The following PRKCE variants were observed in gnomAD, a reference collection of about 807,000 sequenced individuals.
PRKCE encodes protein kinase C epsilon type.
A neutral mutation model predicts 85.4 loss-of-function variants in PRKCE; 16 were observed. The observed-to-expected ratio is 0.19, with a 90% CI of 0.13 to 0.28. PRKCE has a LOEUF of 0.28. Among genes scored for constraint, PRKCE ranks in the 10% least tolerant of loss-of-function variants. The pLI is 1.00. For missense variants in PRKCE, 573 were observed against 975.2 expected (o/e 0.59, Z 5.49); for synonymous variants, 388 against 371.5 (o/e 1.04, Z -0.51).
chr2:45,702,528 T>A (rs1269138590), intron 1 of PRKCE, among the ~76,000 whole-genome samples: 1 of 152,210 alleles, frequency 6.6e-6, no homozygotes, highest in African/African-American at 2.4e-5. Context: ...TCCTGAGCGG[T>A]GGACTTTATG....
chr2:46,076,131 C>T (rs1415686441), intron 10 of PRKCE, among the ~76,000 whole-genome samples: 1 of 152,144 alleles, frequency 6.6e-6, no homozygotes, highest in East Asian at 1.9e-4. Flanking sequence ...GCTGGGTTCC[C>T]CTTCTAAAAC....
intron 1 of PRKCE, among the ~76,000 whole-genome samples, chr2:45,797,925 C>T (rs745350814): frequency 8.5e-5 from 13 of 152,234 alleles, no homozygotes; most frequent in Non-Finnish European, 1.8e-4. Context: ...ACATTGCCAA[C>T]ATAACAAAAC....
Position 46,004,067 on chromosome 2 carries a change from C to A in PRKCE, c.967-475C>A. ...TTGTCCAGCTTTAGCCTGGTGATAA[C>A]CACCTTGCTGGGGTAGATACCCACG... On this transcript the variant is annotated intron_variant, in intron 7 of 14. Coordinates refer to ENST00000306156, the MANE Select transcript of PRKCE (RefSeq NM_005400.3). This position sits in a 1 kb window ranked among gnomAD's most constrained non-coding sequence, Gnocchi z 4.1. 4.7e-6 allele frequency: 1 copy of A among 212,090 alleles called. No homozygotes were observed. The highest frequency in any genetic ancestry group is 1.2e-4 in the East Asian group (1 of 8,168). The allele number at this position is 212,090 out of a possible 1,614,324, so 13.1% of individuals were successfully genotyped here. A position where few individuals can be genotyped will look rare whatever the true frequency, so the allele number is the denominator to read the frequency against.
intron 2 of PRKCE, among the ~76,000 whole-genome samples, chr2:45,963,078 T>C (rs1317264329): frequency 6.6e-6 from 1 of 152,246 alleles, no homozygotes; most frequent in Non-Finnish European, 1.5e-5. Context: ...TGAAGCTTCC[T>C]AAGGGACGTC....
intron 1 of PRKCE, among the ~76,000 whole-genome samples, chr2:45,842,687 C>T (rs1399880577): frequency 6.6e-6 from 1 of 152,172 alleles, no homozygotes; most frequent in Non-Finnish European, 1.5e-5. Context: ...TATCTCTGGC[C>T]TCCACCCACT....
intron 1 of PRKCE, among the ~76,000 whole-genome samples, chr2:45,662,609 A>G (rs965998996): frequency 2.6e-5 from 4 of 151,626 alleles, no homozygotes; most frequent in African/African-American, 9.7e-5. Context: ...GGCTACGGTT[A>G]ACCTTCGCAC....
intron 1 of PRKCE, among the ~76,000 whole-genome samples, chr2:45,664,536 T>A (rs2103779415): frequency 6.6e-6 from 1 of 152,300 alleles, no homozygotes; most frequent in Admixed American, 6.5e-5. Flanking sequence ...AGTCCTTATG[T>A]CCCTCCCTCT....
chr2:46,001,753 C>T lies in PRKCE; in HGVS notation c.966+207C>T, dbSNP rs533046646. ...TTGAGCTCCAAAAGTGGACTGAAAA[C>T]ACAGCAAGCCTCAAGGGTTACGTTT... On this transcript the variant is annotated intron_variant, in intron 7 of 14. Transcript: ENST00000306156. The surrounding 1 kb of genome is among the most constrained non-coding windows in gnomAD (Gnocchi z 4.4). Among the ~76,000 whole-genome samples the T allele has an allele frequency of 6.6e-6, 1 of 152,262 alleles. No homozygotes were observed. Among genetic ancestry groups the T allele is most frequent in the African/African-American group, 2.4e-5 (1 of 41,554 alleles).
chr2:46,161,800 A>G (rs575397467), intron 14 of PRKCE, among the ~76,000 whole-genome samples: 1 of 152,258 alleles, frequency 6.6e-6, no homozygotes, highest in East Asian at 1.9e-4. Flanking sequence ...AGCAGATTCC[A>G]GAACACTGCC....
intron 1 of PRKCE, among the ~76,000 whole-genome samples, chr2:45,668,296 C>T (rs572665210): frequency 1.3e-5 from 2 of 152,210 alleles, no homozygotes; most frequent in South Asian, 2.1e-4. Flanking sequence ...ACTGAGATGG[C>T]GCCAATGCAC....
chr2:46,121,978 C>A (rs997420194), intron 11 of PRKCE, among the ~76,000 whole-genome samples: 1 of 152,076 alleles, frequency 6.6e-6, no homozygotes, highest in Non-Finnish European at 1.5e-5. Context: ...TTCCCTCCTT[C>A]CCTCCTTTTT....
chr2:45,900,173 A>G (rs1047781132), intron 2 of PRKCE, among the ~76,000 whole-genome samples: 2 of 152,218 alleles, frequency 1.3e-5, no homozygotes, highest in Admixed American at 1.3e-4. Flanking sequence ...GCTAGTGCAC[A>G]TGTAATGTGG....
At chr2:45,729,753 A>G (rs1244488067) in intron 1 of PRKCE, among the ~76,000 whole-genome samples, 3 of 152,212 alleles carry the variant, frequency 2.0e-5, no homozygotes, top group Non-Finnish European at 4.4e-5. Flanking sequence ...ATGAGCCTGT[A>G]TGCTGATGCT....
intron 1 of PRKCE, among the ~76,000 whole-genome samples, chr2:45,696,980 G>A (rs749013370): frequency 1.5e-4 from 23 of 151,326 alleles, no homozygotes; most frequent in Non-Finnish European, 3.0e-4. Flanking sequence ...TTTTATTCCA[G>A]GTCTTCTTTC....
chr2:46,051,527 C>G (rs1288157997), intron 10 of PRKCE, among the ~76,000 whole-genome samples: 1 of 152,230 alleles, frequency 6.6e-6, no homozygotes, highest in Non-Finnish European at 1.5e-5. Context: ...TTTAAGGTGG[C>G]TCTGCTCTCC....
intron 1 of PRKCE, among the ~76,000 whole-genome samples, chr2:45,664,793 C>T (rs975618592): frequency 1.3e-5 from 2 of 152,218 alleles, no homozygotes; most frequent in African/African-American, 4.8e-5. Context: ...GCTTGTGGGC[C>T]TAGTGTGGTA....
chr2:46,113,669 C>T (rs934400520), intron 11 of PRKCE, among the ~76,000 whole-genome samples: 1 of 152,160 alleles, frequency 6.6e-6, no homozygotes, highest in East Asian at 1.9e-4. Context: ...CCCTGGCTTG[C>T]AGTGGGAAGG....
At chr2:45,710,717 C>T (rs1411044625) in intron 1 of PRKCE, among the ~76,000 whole-genome samples, 1 of 152,234 alleles carries the variant, frequency 6.6e-6, no homozygotes, top group Non-Finnish European at 1.5e-5. Flanking sequence ...CTGTTACTAA[C>T]TGACATCTTG....
At chr2:45,972,471 T>G (rs1702173450) in intron 2 of PRKCE, among the ~76,000 whole-genome samples, 1 of 152,256 alleles carries the variant, frequency 6.6e-6, no homozygotes, top group Non-Finnish European at 1.5e-5. Context: ...TTTAGTTTGA[T>G]GTAGTCCAAC....
Sources: allele counts gnomAD v4.1 joint callset (sites outside exome capture counted in the v4.1 genomes callset), GRCh38; gene constraint gnomAD v4.1.1; non-coding constraint Gnocchi (gnomAD v3.1); transcripts MANE v1.5; gene names NCBI Gene and HGNC (gene_info 2026-07-23, HGNC 2026-07-21).